CTNND2: variants seen among roughly 807,000 people sequenced by gnomAD.
CTNND2 encodes the protein catenin delta 2, also known as catenin delta-2.
A neutral mutation model predicts 144.4 loss-of-function variants in CTNND2; 22 were observed. That is an observed-to-expected ratio of 0.15 (90% CI 0.11 to 0.22). CTNND2 has a LOEUF of 0.22. CTNND2 is among the 10% of genes least tolerant of loss of function. The pLI is 1.00. For synonymous variants in CTNND2, 751 were observed against 695.6 expected, an observed-to-expected ratio of 1.08 and a Z score of -1.25; for missense variants, 1,353 against 1,618.8, an observed-to-expected ratio of 0.84 and a Z score of 2.82.
intron 12 of CTNND2, among the ~76,000 whole-genome samples, chr5:11,157,415 T>C (rs1476824045): frequency 2.0e-5 from 3 of 152,188 alleles, no homozygotes; most frequent in Non-Finnish European, 4.4e-5. Flanking sequence ...TTTTTCCTCC[T>C]GTACTGCCAT....
chr5:11,147,899 G>C (rs1757401779), intron 12 of CTNND2, among the ~76,000 whole-genome samples: 1 of 152,150 alleles, frequency 6.6e-6, no homozygotes, highest in African/African-American at 2.4e-5. Flanking sequence ...AAATACAATA[G>C]CCGAAGAGTG....
chr5:11,295,838 T>C (rs1358578006), intron 9 of CTNND2, among the ~76,000 whole-genome samples: 2 of 152,108 alleles, frequency 1.3e-5, no homozygotes, highest in South Asian at 2.1e-4. Context: ...TAATTCAAGA[T>C]GCATTAAAGA....
At position 11,885,327 on chromosome 5, in the gene CTNND2, T is replaced by C. The variant is rs373525467; in HGVS notation, c.37+18490A>G. Among the ~76,000 whole-genome samples the C allele has an allele frequency of 1.8e-4, 27 of 152,250 alleles. No homozygotes were observed. In the East Asian group the frequency reaches 3.5e-3, roughly 20 times the overall value. ...GGGAGACTTTCTATTACTGATTTAA[T>C]CTCATTATTTGTTATTGGTCTGTTC... is the stretch of plus-strand genomic sequence containing the variant. On this transcript the variant is annotated intron_variant, in intron 1 of 21. Coordinates refer to ENST00000304623, the MANE Select transcript of CTNND2 (RefSeq NM_001332.4).
intron 3 of CTNND2, among the ~76,000 whole-genome samples, chr5:11,514,007 C>T (rs751253792): frequency 2.6e-5 from 4 of 151,990 alleles, no homozygotes; most frequent in African/African-American, 4.8e-5. Flanking sequence ...AGGGAGACTT[C>T]GTCTCTACAA....
At chr5:11,013,741 G>T (rs1235949053) in intron 18 of CTNND2, among the ~76,000 whole-genome samples, 2 of 152,160 alleles carry the variant, frequency 1.3e-5, no homozygotes, top group African/African-American at 4.8e-5. Flanking sequence ...CTGCTGGAAC[G>T]GTACTGCCTT....
rs542321260 is a variant in CTNND2, at chr5:11,045,373, G to T, written c.2789-22394C>A. 3.1e-4 allele frequency among the ~76,000 whole-genome samples: 47 copies of T among 152,146 alleles called. 1 individual carries two copies. The highest frequency in any genetic ancestry group is 1.1e-3 in the African/African-American group (47 of 41,506). ...CGGGGAGAGAAGGATGCAAGAGGGA[G>T]GGGGGGAAGGTGCCAGGCTCTGTTT... is the stretch of plus-strand genomic sequence containing the variant. On this transcript the variant is annotated intron_variant, in intron 16 of 21. Coordinates refer to ENST00000304623, the MANE Select transcript of CTNND2 (RefSeq NM_001332.4).
intron 9 of CTNND2, among the ~76,000 whole-genome samples, chr5:11,309,429 TC>T (rs1750579225): frequency 6.6e-6 from 1 of 152,164 alleles, no homozygotes; most frequent in Non-Finnish European, 1.5e-5. Flanking sequence ...ATTTAATGCC[TC>T]CCCTGCTGGG....
In CTNND2 at chr5:11,364,762, T is replaced by G. The variant is rs748907131; in HGVS notation, c.1306A>C (p.Ser436Arg). 2 of 1,613,922 alleles carry G rather than the reference T, an allele frequency of 1.2e-6. No individual in the cohort carries two copies. The highest frequency in any genetic ancestry group is 1.1e-5 in the South Asian group (1 of 91,072). ...GGGTCCCCCTGGCTCTGGCTGAGAC[T>G]CCTCATAGGGGGCTTCTGATAGACG... ...DRVYQKPPMRSLSQSQGDPLP... is the reference protein window; with the variant it reads ...DRVYQKPPMRRLSQSQGDPLP... The change falls in exon 8 of 22, where the codon AGT becomes CGT. Residue 436 changes from serine (S) to arginine (R), a missense_variant. By Grantham distance (110) the Ser-to-Arg change is moderately radical (BLOSUM62 -1). Coordinates refer to ENST00000304623, the MANE Select transcript of CTNND2 (RefSeq NM_001332.4).
At chr5:11,339,522 G>A (rs1414665733) in intron 9 of CTNND2, among the ~76,000 whole-genome samples, 2 of 152,218 alleles carry the variant, frequency 1.3e-5, no homozygotes, top group African/African-American at 2.4e-5. Flanking sequence ...AGAACTGTGA[G>A]ATGATAAGTT....
intron 9 of CTNND2, among the ~76,000 whole-genome samples, chr5:11,329,020 T>G (rs771706533): frequency 1.6e-4 from 25 of 152,346 alleles, no homozygotes; most frequent in Non-Finnish European, 2.8e-4. Context: ...CCTTGGCTTG[T>G]AGATGAACAA....
chr5:11,622,285 T>C (rs182448911), intron 2 of CTNND2, among the ~76,000 whole-genome samples: 22 of 152,180 alleles, frequency 1.4e-4, no homozygotes, highest in Admixed American at 1.2e-3. Context: ...TTAATTTAAA[T>C]GAAGACCAAA....
intron 1 of CTNND2, among the ~76,000 whole-genome samples, chr5:11,839,762 G>C (rs1209573067): frequency 6.6e-6 from 1 of 151,600 alleles, no homozygotes; most frequent in Non-Finnish European, 1.5e-5. Flanking sequence ...GAAAGAGAGA[G>C]AGACAGAGAG....
chr5:11,436,208 G>A (rs1763760116), intron 3 of CTNND2, among the ~76,000 whole-genome samples: 1 of 152,046 alleles, frequency 6.6e-6, no homozygotes, highest in South Asian at 2.1e-4. Context: ...AGACGAATGG[G>A]AGAAAGATTC....
At chr5:11,683,375 C>T (rs1784508223) in intron 2 of CTNND2, among the ~76,000 whole-genome samples, 1 of 152,210 alleles carries the variant, frequency 6.6e-6, no homozygotes, top group African/African-American at 2.4e-5. Context: ...GGCTTCATTA[C>T]TCCAAACATT....
At chr5:11,355,665 C>T (rs938984127) in intron 8 of CTNND2, among the ~76,000 whole-genome samples, 1 of 152,050 alleles carries the variant, frequency 6.6e-6, no homozygotes, top group Non-Finnish European at 1.5e-5. Flanking sequence ...CAACATAGTA[C>T]TGGAAGTCCT....
chr5:11,289,744 C>T (rs986343345), intron 9 of CTNND2, among the ~76,000 whole-genome samples: 10 of 152,204 alleles, frequency 6.6e-5, no homozygotes, highest in South Asian at 2.1e-4. Flanking sequence ...CCTCTTTCCA[C>T]GGTTCCCATC....
chr5:11,540,161 C>A (rs972632616), intron 3 of CTNND2, among the ~76,000 whole-genome samples: 2 of 152,158 alleles, frequency 1.3e-5, no homozygotes, highest in African/African-American at 4.8e-5. Context: ...TACAAATGGA[C>A]GCCCTATACA....
chr5:10,994,361 G>A (rs1315728642), intron 18 of CTNND2, among the ~76,000 whole-genome samples: 1 of 42,322 alleles, frequency 2.4e-5, no homozygotes, highest in African/African-American at 1.0e-4. Context: ...GAGGGGGGCG[G>A]GGAAGGAGGA....
Position 11,903,074 on chromosome 5 carries a change from G to GA in CTNND2, c.37+742dup, listed in dbSNP as rs1311217441. ...CACACCAGAATAAGATGAGGGTCGG[G>GA]AAAAAAAGAAAAAAGCAGCTTCGCT... On this transcript the variant is annotated intron_variant, in intron 1 of 21. Coordinates refer to ENST00000304623, the MANE Select transcript of CTNND2 (RefSeq NM_001332.4). The surrounding 1 kb of genome is among the most constrained non-coding windows in gnomAD (Gnocchi z 5.4). 13 of 515,650 alleles carry GA rather than the reference G, an allele frequency of 2.5e-5. No homozygotes were observed. The highest frequency in any genetic ancestry group is 3.0e-5 in the Non-Finnish European group (12 of 400,992). 31.9% of individuals were successfully genotyped at this position (515,650 alleles called of 1,614,324 possible). A position where few individuals can be genotyped will look rare whatever the true frequency, so the allele number is the denominator to read the frequency against.
Sources: allele counts gnomAD v4.1 joint callset (sites outside exome capture counted in the v4.1 genomes callset), GRCh38; gene constraint gnomAD v4.1.1; non-coding constraint Gnocchi (gnomAD v3.1); transcripts MANE v1.5; gene names NCBI Gene and HGNC (gene_info 2026-07-23, HGNC 2026-07-21).